The following MYO5A variants were observed in gnomAD, a reference collection of about 807,000 sequenced individuals.
MYO5A encodes unconventional myosin-Va.
MYO5A carries 98 observed loss-of-function variants against 249.7 expected under a neutral mutation model. The observed-to-expected ratio is 0.39, with a 90% CI of 0.33 to 0.46. MYO5A has a LOEUF of 0.46. MYO5A is among the 20% of genes least tolerant of loss of function. The probability of loss-of-function intolerance (pLI) is 0.98; values close to 1 mark genes in which losing one functional copy is unlikely to be tolerated. For synonymous variants in MYO5A, 778 were observed against 810.6 expected, an observed-to-expected ratio of 0.96 and a Z score of 0.68; for missense variants, 1,696 against 2,308.8, an observed-to-expected ratio of 0.73 and a Z score of 5.44.
At chr15:52,508,936 T>C (rs1470519275) in intron 1 of MYO5A, among the ~76,000 whole-genome samples, 2 of 152,104 alleles carry the variant, frequency 1.3e-5, no homozygotes, top group African/African-American at 2.4e-5. Flanking sequence ...TCTCTTCTCA[T>C]GTGTTATTAA....
chr15:52,324,766 C>A (rs907556917), intron 36 of MYO5A, among the ~76,000 whole-genome samples: 2 of 151,854 alleles, frequency 1.3e-5, no homozygotes, highest in African/African-American at 4.8e-5. Flanking sequence ...AATAAAATCA[C>A]CTTTTTAAGA....
At position 52,372,112 on chromosome 15, in the gene MYO5A, T is replaced by G. The variant is rs2041156013; in HGVS notation, c.2817+12A>C. 6.2e-7 allele frequency: 1 copy of G among 1,613,304 alleles called. No individual in the cohort carries two copies. Among genetic ancestry groups the G allele is most frequent in the South Asian group, 1.1e-5 (1 of 91,062 alleles). ...GCATACTCCACTCTCAGGGCCCCTT[T>G]GTGAAACACACCTGCTCATCAACTT... is the stretch of plus-strand genomic sequence containing the variant. On this transcript the variant is annotated intron_variant, in intron 21 of 41. Transcript: ENST00000399233.
At chr15:52,357,391 C>T (rs1420960474) in intron 25 of MYO5A, among the ~76,000 whole-genome samples, 9 of 141,972 alleles carry the variant, frequency 6.3e-5, no homozygotes, top group East Asian at 2.1e-4. Context: ...TGAATGGGCA[C>T]TTTTTGTTTA....
chr15:52,448,591 C>T (rs184714071), intron 1 of MYO5A, among the ~76,000 whole-genome samples: 6 of 152,082 alleles, frequency 3.9e-5, no homozygotes, highest in Admixed American at 2.6e-4. Flanking sequence ...CAGAATGATA[C>T]GGTTTGAGTC....
chr15:52,472,367 T>A (rs561166731), intron 1 of MYO5A, among the ~76,000 whole-genome samples: 8 of 152,214 alleles, frequency 5.3e-5, no homozygotes, highest in African/African-American at 1.9e-4. Context: ...GCTTGAGCCA[T>A]CGCGACTGGC....
In MYO5A at chr15:52,405,413, G is replaced by T; in HGVS notation, c.947-20C>A. ...TAATTCCTGAAACAAGAGAGTGAATGAACAAGTGATTAATTTCAGAATAGA... is the reference window on the plus strand; with the variant it reads ...TAATTCCTGAAACAAGAGAGTGAATTAACAAGTGATTAATTTCAGAATAGA... On this transcript the variant is annotated intron_variant, in intron 8 of 41. Transcript: ENST00000399233. 2 of 1,520,118 alleles carry T rather than the reference G, an allele frequency of 1.3e-6. No individual in the cohort carries two copies. Among genetic ancestry groups the T allele is most frequent in the Non-Finnish European group, 9.1e-7 (1 of 1,095,606 alleles). 94.2% of individuals were successfully genotyped at this position (1,520,118 alleles called of 1,614,324 possible). A position where few individuals can be genotyped will look rare whatever the true frequency, so the allele number is the denominator to read the frequency against.
intron 34 of MYO5A, among the ~76,000 whole-genome samples, chr15:52,334,551 C>A (rs1022587780): frequency 6.6e-6 from 1 of 152,116 alleles, no homozygotes; most frequent in Admixed American, 6.5e-5. Context: ...ATAAAATAAT[C>A]TTTCTGATTT....
chr15:52,345,511 G>C (rs957846923), intron 30 of MYO5A, among the ~76,000 whole-genome samples: 72 of 151,796 alleles, frequency 4.7e-4, no homozygotes, highest in African/African-American at 1.7e-3. Context: ...CTTGAACCTG[G>C]GGGGCGGAGG....
At chr15:52,443,027 A>C (rs962739786) in intron 1 of MYO5A, among the ~76,000 whole-genome samples, 1 of 152,226 alleles carries the variant, frequency 6.6e-6, no homozygotes, top group Non-Finnish European at 1.5e-5. Flanking sequence ...CTGGGATTAC[A>C]GGCGTGAGCC....
chr15:52,505,977 G>T, intron 1 of MYO5A: 1 of 886,686 alleles, frequency 1.1e-6, no homozygotes, highest in Non-Finnish European at 1.7e-6. Flanking sequence ...ACTTTGGGAG[G>T]CTGAGGAGGG....
chr15:52,381,107 C>T (rs1305923922), intron 16 of MYO5A, among the ~76,000 whole-genome samples: 4 of 152,170 alleles, frequency 2.6e-5, no homozygotes, highest in Non-Finnish European at 5.9e-5. Flanking sequence ...TCCCTTCGGC[C>T]AAATGATTGC....
chr15:52,331,930 C>T (rs1366817100), intron 34 of MYO5A: 38 of 883,448 alleles, frequency 4.3e-5, no homozygotes, highest in South Asian at 5.2e-5. Context: ...ATGAAAGCCA[C>T]GGGACTAACT....
At chr15:52,376,247 A>C in intron 19 of MYO5A, 100 bp downstream of exon 19, 1 of 1,086,368 alleles carries the variant, frequency 9.2e-7, no homozygotes. Flanking sequence ...AACTAAGAAA[A>C]GGTGAGGTGT....
chr15:52,355,260 G>A (rs1000550416), intron 25 of MYO5A, among the ~76,000 whole-genome samples: 1 of 152,174 alleles, frequency 6.6e-6, no homozygotes, highest in Non-Finnish European at 1.5e-5. Flanking sequence ...CTTGGGTTCT[G>A]TATCTGTGGG....
intron 40 of MYO5A, 139 bp from the exon 41 acceptor site, chr15:52,314,342 G>C: frequency 1.5e-6 from 1 of 680,004 alleles, no homozygotes. Context: ...AAGGAAGGAG[G>C]AGCTGGTCTG....
At chr15:52,379,390 GCTGT>G (rs1435676875) in intron 18 of MYO5A, among the ~76,000 whole-genome samples, 1 of 152,122 alleles carries the variant, frequency 6.6e-6, no homozygotes, top group Non-Finnish European at 1.5e-5. Flanking sequence ...TAATAATCAA[GCTGT>G]CTAAGAAGAA....
intron 1 of MYO5A, among the ~76,000 whole-genome samples, chr15:52,503,600 CAG>C (rs2077201210): frequency 2.5e-5 from 2 of 78,542 alleles, no homozygotes; most frequent in Non-Finnish European, 3.6e-5. Context: ...CATTGCACAC[CAG>C]CCTGGGTGAC....
rs1256238616 is a variant in MYO5A, at chr15:52,308,234, A to T, written c.*5462T>A. On this transcript the variant is annotated 3_prime_UTR_variant, in exon 42 of 42. Coordinates refer to ENST00000399233, the MANE Select transcript of MYO5A (RefSeq NM_001382347.1). Reference sequence around the variant, plus strand: ...ATTTTAGATAGACCAAATTACAAATAAAAAAAGTATAAAAAGCATTTTGGA... The same window carrying T: ...ATTTTAGATAGACCAAATTACAAATTAAAAAAGTATAAAAAGCATTTTGGA... The T allele has an allele frequency of 6.6e-6, 1 of 152,224 alleles. No individual in the cohort carries two copies. Among genetic ancestry groups the T allele is most frequent in the African/African-American group, 2.4e-5 (1 of 41,466 alleles). 9.4% of individuals were successfully genotyped at this position (152,224 alleles called of 1,614,324 possible). A position where few individuals can be genotyped will look rare whatever the true frequency, so the allele number is the denominator to read the frequency against.
intron 40 of MYO5A, among the ~76,000 whole-genome samples, chr15:52,314,673 G>GT (rs1303737031): frequency 6.6e-6 from 1 of 151,776 alleles, no homozygotes; most frequent in Non-Finnish European, 1.5e-5. Context: ...TCTTTTGAAT[G>GT]TTTTTTAAAT....
Sources: allele counts gnomAD v4.1 joint callset (sites outside exome capture counted in the v4.1 genomes callset), GRCh38; gene constraint gnomAD v4.1.1; transcripts MANE v1.5; gene names NCBI Gene and HGNC (gene_info 2026-07-23, HGNC 2026-07-21).